Variants in ARPP21 observed in about 807,000 individuals in gnomAD.
ARPP21 encodes the protein cAMP-regulated phosphoprotein 21.
In ARPP21, 69 loss-of-function variants were observed where a neutral mutation model predicts 113.2. The ratio of observed to expected loss-of-function variants is 0.61; its 90% CI spans 0.50 to 0.74. The LOEUF is 0.74. ARPP21 is among the 30% of genes least tolerant of loss of function. The pLI is 0.00. For missense variants in ARPP21, 1,070 were observed against 1,037.4 expected, an observed-to-expected ratio of 1.03 and a Z score of -0.43; for synonymous variants, 368 against 375.5, an observed-to-expected ratio of 0.98 and a Z score of 0.23.
At chr3:35,698,346 C>T (rs560998266) in intron 9 of ARPP21, among the ~76,000 whole-genome samples, 14 of 151,638 alleles carry the variant, frequency 9.2e-5, no homozygotes, top group African/African-American at 3.4e-4. Context: ...CCTTTCCCTA[C>T]TCGAAATTAT....
chr3:35,715,327 T>A (rs1433043252), intron 11 of ARPP21, 112 bp from the exon 12 acceptor site: 1 of 819,540 alleles, frequency 1.2e-6, no homozygotes, highest in Non-Finnish European at 2.1e-6. Flanking sequence ...TACCTATTTT[T>A]CTTAATTCTT....
At chr3:35,667,670 G>A (rs564831308) in intron 1 of ARPP21, among the ~76,000 whole-genome samples, 3 of 151,880 alleles carry the variant, frequency 2.0e-5, no homozygotes, top group Non-Finnish European at 2.9e-5. Context: ...ATATGTAAGA[G>A]TCCTTCTAGT....
chr3:35,674,191 T>C (rs916345267), intron 1 of ARPP21, among the ~76,000 whole-genome samples: 2 of 151,966 alleles, frequency 1.3e-5, no homozygotes, highest in Admixed American at 6.6e-5. Flanking sequence ...CAGAGGATCA[T>C]TTCACGTTTT....
At chr3:35,787,437 G>T (rs545444055) in intron 19 of ARPP21, among the ~76,000 whole-genome samples, 2 of 152,210 alleles carry the variant, frequency 1.3e-5, no homozygotes, top group South Asian at 4.1e-4. Flanking sequence ...ATTTGAAATG[G>T]TCCTAGTAAT....
At position 35,683,105 on chromosome 3, in the gene ARPP21, C is replaced by A. The variant is rs979967455; in HGVS notation, c.171+216C>A. ...TTTTTTAGTTAGAGGATTTAGTGTT[C>A]AAATAGCTGCAAATGTATGTATTTG... is the stretch of plus-strand genomic sequence containing the variant. On this transcript the variant is annotated intron_variant, in intron 4 of 20. Transcript: ENST00000684406. Among the ~76,000 whole-genome samples, 5 of 151,704 alleles carry A rather than the reference C, an allele frequency of 3.3e-5. No individual in the cohort carries two copies. In the South Asian group the frequency reaches 1.0e-3, roughly 31 times the overall value.
Position 35,682,842 on chromosome 3 carries a change from A to G in ARPP21, c.130-6A>G, listed in dbSNP as rs1440305011. On this transcript the variant is annotated splice_region_variant and splice_polypyrimidine_tract_variant and intron_variant, in intron 3 of 20. Transcript: ENST00000684406. ...TATTTTGTTTTATTTTCTTTCCAACATACAGAGGCGGCTGGAGGCTCAGAA... is the reference window on the plus strand; with the variant it reads ...TATTTTGTTTTATTTTCTTTCCAACGTACAGAGGCGGCTGGAGGCTCAGAA... 5.0e-6 allele frequency: 8 copies of G among 1,608,138 alleles called. No individual in the cohort carries two copies. The highest frequency in any genetic ancestry group is 6.8e-6 in the Non-Finnish European group (8 of 1,177,124).
rs1708941462 is a variant in ARPP21, at chr3:35,663,855, A to G, written c.-212-15932A>G. Among the ~76,000 whole-genome samples the G allele has an allele frequency of 4.6e-5, 7 of 152,166 alleles. 1 individual carries two copies. The highest frequency in any genetic ancestry group is 4.6e-4 in the Admixed American group (7 of 15,284). On this transcript the variant is annotated intron_variant, in intron 1 of 20. Transcript: ENST00000684406. ...TGTGCTGATGCCTGAGGCTATCTTA[A>G]TGCTTCATGGCACCCAAGAAGGCCA...
At chr3:35,665,216 C>A (rs1352839037) in intron 1 of ARPP21, among the ~76,000 whole-genome samples, 3 of 151,980 alleles carry the variant, frequency 2.0e-5, no homozygotes, top group Non-Finnish European at 4.4e-5. Flanking sequence ...AGAAGAAGAA[C>A]AGAGTCTTAG....
chr3:35,735,506 C>T (rs1314055982), intron 15 of ARPP21, among the ~76,000 whole-genome samples: 1 of 152,144 alleles, frequency 6.6e-6, no homozygotes, highest in African/African-American at 2.4e-5. Flanking sequence ...GTTGTTCTTT[C>T]CTCTGCCATC....
intron 2 of ARPP21, chr3:35,681,140 G>T (rs1157992364): frequency 6.6e-6 from 1 of 151,832 alleles, no homozygotes. Context: ...GTAGCTGTCA[G>T]TTCGAAGCCT....
At chr3:35,760,558 T>C (rs1368868729) in intron 19 of ARPP21, among the ~76,000 whole-genome samples, 1 of 151,494 alleles carries the variant, frequency 6.6e-6, no homozygotes, top group Non-Finnish European at 1.5e-5. Context: ...AAAAATCCGC[T>C]GGGAGTTTGA....
intron 9 of ARPP21, among the ~76,000 whole-genome samples, chr3:35,691,775 T>C (rs996977767): frequency 4.6e-5 from 7 of 151,608 alleles, no homozygotes; most frequent in African/African-American, 1.7e-4. Context: ...GCCAATTTTA[T>C]AACAAAAGGC....
Position 35,687,806 on chromosome 3 carries a change from A to G in ARPP21, c.329A>G (p.Asp110Gly), listed in dbSNP as rs772855176. 1.9e-6 allele frequency: 3 copies of G among 1,605,604 alleles called. No homozygotes were observed. The highest frequency in any genetic ancestry group is 2.2e-5 in the South Asian group (2 of 89,674). Residue 110 changes from aspartate to glycine, a missense_variant, in exon 6 of 21, where the codon GAC (aspartate) becomes GGC (glycine). Physicochemically the swap from Asp to Gly is moderately conservative, Grantham distance 94 (BLOSUM62 -1). Coordinates refer to ENST00000684406, the MANE Select transcript of ARPP21 (RefSeq NM_001385562.1). ...GAGGAGGATAAATCTAGGAAAGATG[A>G]CTCTGAAAGAGAAAAAGAAAAGGAT... is the stretch of plus-strand genomic sequence containing the variant. ...LQEEDKSRKD[D>G]SEREKEKDKN... is the part of the protein sequence containing the mutation.
chr3:35,642,711 T>C (rs1017100904), intron 1 of ARPP21, among the ~76,000 whole-genome samples: 1 of 152,154 alleles, frequency 6.6e-6, no homozygotes, highest in African/African-American at 2.4e-5. Flanking sequence ...GTTTGGAGCT[T>C]GTAAAACGTT....
At chr3:35,710,028 C>T (rs2090528788) in intron 11 of ARPP21, among the ~76,000 whole-genome samples, 3 of 152,176 alleles carry the variant, frequency 2.0e-5, no homozygotes, top group African/African-American at 7.2e-5. Context: ...TCTGATCTTC[C>T]AGCTGGTCTG....
intron 19 of ARPP21, chr3:35,744,402 T>C: frequency 2.1e-6 from 1 of 471,976 alleles, no homozygotes. Context: ...ATCCAGCGTG[T>C]CTCGGTGGAA....
At chr3:35,757,798 G>A (rs981544046) in intron 19 of ARPP21, among the ~76,000 whole-genome samples, 3 of 151,792 alleles carry the variant, frequency 2.0e-5, no homozygotes, top group Admixed American at 6.6e-5. Flanking sequence ...ATAGAGTATC[G>A]CAATTTCTTA....
intron 14 of ARPP21, 30 bp from the exon 15 acceptor site, chr3:35,729,273 A>G: frequency 1.3e-6 from 2 of 1,484,302 alleles, no homozygotes; most frequent in Non-Finnish European, 1.9e-6. Context: ...CTGTGTGTTC[A>G]ATGATTTGTT....
chr3:35,671,190 T>G (rs2076261669), intron 1 of ARPP21, among the ~76,000 whole-genome samples: 1 of 152,052 alleles, frequency 6.6e-6, no homozygotes, highest in African/African-American at 2.4e-5. Flanking sequence ...CTTGAGGTCC[T>G]GAACATGGAC....
Sources: gnomAD v4.1 joint callset for allele counts (sites outside exome capture counted in the v4.1 genomes callset) on GRCh38, gnomAD v4.1.1 for gene constraint, MANE v1.5 for transcripts, NCBI Gene and HGNC (gene_info 2026-07-23, HGNC 2026-07-21) for gene names.